DCC: variants seen among roughly 807,000 people sequenced by gnomAD.
DCC encodes DCC netrin 1 receptor, also known as netrin receptor DCC.
Under a neutral mutation model 172.5 loss-of-function variants are expected in DCC, and 58 were observed. The ratio of observed to expected loss-of-function variants is 0.34; its 90% CI spans 0.27 to 0.42. The LOEUF is 0.42. Ranked by LOEUF, DCC falls within the 10% of genes least tolerant of loss-of-function variation. The probability of loss-of-function intolerance (pLI) is 1.00; values close to 1 mark genes in which losing one functional copy is unlikely to be tolerated. For synonymous variants in DCC, 709 were observed against 644.5 expected (o/e 1.10, Z -1.52); for missense variants, 1,740 against 1,791.0 (o/e 0.97, Z 0.51).
chr18:53,116,146 T>C (rs2043405854), intron 7 of DCC, among the ~76,000 whole-genome samples: 1 of 151,572 alleles, frequency 6.6e-6, no homozygotes, highest in African/African-American at 2.4e-5. Context: ...TGGTGGAGAG[T>C]GTCCAGGTTC....
At chr18:53,070,243 A>G (rs910547002) in intron 7 of DCC, among the ~76,000 whole-genome samples, 1 of 151,996 alleles carries the variant, frequency 6.6e-6, no homozygotes, top group African/African-American at 2.4e-5. Flanking sequence ...CAGGTGATCC[A>G]CCTGTCTCGG....
chr18:52,876,145 A>G (rs959694591), intron 2 of DCC, among the ~76,000 whole-genome samples: 9 of 152,326 alleles, frequency 5.9e-5, no homozygotes, highest in African/African-American at 2.2e-4. Flanking sequence ...TAAGCCAACA[A>G]GGAAACAATA....
intron 5 of DCC, among the ~76,000 whole-genome samples, chr18:52,996,386 A>G (rs1048781006): frequency 6.6e-6 from 1 of 152,066 alleles, no homozygotes; most frequent in South Asian, 2.1e-4. Flanking sequence ...TAGGGGAATT[A>G]TGATTGCTTT....
At chr18:53,047,126 A>G (rs969814700) in intron 5 of DCC, among the ~76,000 whole-genome samples, 1 of 149,088 alleles carries the variant, frequency 6.7e-6, no homozygotes, top group East Asian at 2.0e-4. Flanking sequence ...GAAGGTAAAT[A>G]TGTTTATCAA....
At chr18:52,966,559 C>T (rs1431427088) in intron 5 of DCC, among the ~76,000 whole-genome samples, 6 of 152,184 alleles carry the variant, frequency 3.9e-5, no homozygotes, top group Non-Finnish European at 7.4e-5. Flanking sequence ...CAATCGGAGG[C>T]ACCAACAGGA....
chr18:52,634,902 G>A (rs1233071540), intron 1 of DCC, among the ~76,000 whole-genome samples: 2 of 151,890 alleles, frequency 1.3e-5, no homozygotes, highest in African/African-American at 2.4e-5. Flanking sequence ...TATCTATCTT[G>A]GCTGGAAACT....
intron 14 of DCC, among the ~76,000 whole-genome samples, chr18:53,329,957 G>C (rs922258393): frequency 6.6e-6 from 1 of 152,168 alleles, no homozygotes; most frequent in African/African-American, 2.4e-5. Context: ...TCAAGCTGCA[G>C]ATTAGTTACT....
At chr18:53,177,040 G>A (rs1262581684) in intron 8 of DCC, among the ~76,000 whole-genome samples, 1 of 152,062 alleles carries the variant, frequency 6.6e-6, no homozygotes, top group African/African-American at 2.4e-5. Context: ...GGACATGGAT[G>A]AAATTGGCAA....
At chr18:52,650,411 G>A (rs1003737425) in intron 1 of DCC, among the ~76,000 whole-genome samples, 3 of 152,234 alleles carry the variant, frequency 2.0e-5, no homozygotes, top group Admixed American at 6.5e-5. Context: ...ACATTATTTG[G>A]GTGATGGTTA....
At position 53,459,236 on chromosome 18, in the gene DCC, C is replaced by T. The variant is rs889494004; in HGVS notation, c.3397C>T (p.Arg1133Trp). The T allele has an allele frequency of 7.4e-6, 12 of 1,613,012 alleles. No individual in the cohort carries two copies. The highest frequency in any genetic ancestry group is 4.4e-5 in the South Asian group (4 of 91,066). Residue 1133 changes from arginine to tryptophan, a missense_variant, in exon 24 of 29, where the codon CGG becomes TGG. By Grantham distance (101) the Arg-to-Trp change is moderately radical. Around this residue, in one of 2 missense-constraint regions of DCC, gnomAD observed 1,732 missense variants for 1,767.4 expected, o/e 0.98. Coordinates refer to ENST00000442544, the MANE Select transcript of DCC (RefSeq NM_005215.4). ...RRSSAQQRKK[R>W]ATHSAGKRKG... Reference sequence around the variant, plus strand: ...CCTTCTAACTTTGTTCCATAGGAAACGGGCCACCCACAGTGCTGGCAAAAG... The same window carrying T: ...CCTTCTAACTTTGTTCCATAGGAAATGGGCCACCCACAGTGCTGGCAAAAG...
At chr18:52,792,137 C>G (rs1008055728) in intron 2 of DCC, among the ~76,000 whole-genome samples, 1 of 151,836 alleles carries the variant, frequency 6.6e-6, no homozygotes, top group African/African-American at 2.4e-5. Flanking sequence ...TGCTGTTGAC[C>G]TTGAAATGCC....
chr18:53,300,670 T>C (rs2057122604), intron 12 of DCC, among the ~76,000 whole-genome samples: 1 of 152,190 alleles, frequency 6.6e-6, no homozygotes, highest in Admixed American at 6.5e-5. Context: ...TAAACCTATA[T>C]TTCCCCTAGG....
chr18:52,415,808 T>G (rs377753138), intron 1 of DCC, among the ~76,000 whole-genome samples: 3 of 152,194 alleles, frequency 2.0e-5, no homozygotes, highest in African/African-American at 7.2e-5. Context: ...ATTTTGTTGA[T>G]CCTTTCAAAA....
chr18:53,050,937 A>AAAAAC (rs2042325708), intron 5 of DCC, among the ~76,000 whole-genome samples: 1 of 152,184 alleles, frequency 6.6e-6, no homozygotes, highest in Admixed American at 6.6e-5. Flanking sequence ...CCAAAAAAAC[A>AAAAAC]AAAACTTTCA....
intron 5 of DCC, among the ~76,000 whole-genome samples, chr18:52,986,607 C>CT (rs1180183036): frequency 6.6e-6 from 1 of 151,868 alleles, no homozygotes; most frequent in African/African-American, 2.4e-5. Flanking sequence ...TCAACCCAGT[C>CT]TTTTTTCAGA....
intron 21 of DCC, among the ~76,000 whole-genome samples, chr18:53,424,088 C>A (rs2145084045): frequency 6.6e-6 from 1 of 152,302 alleles, no homozygotes; most frequent in Middle Eastern, 3.4e-3. Context: ...AAAACAAGTT[C>A]TCTGTAATTC....
At chr18:52,678,049 C>T (rs2035677391) in intron 1 of DCC, among the ~76,000 whole-genome samples, 1 of 152,074 alleles carries the variant, frequency 6.6e-6, no homozygotes, top group African/African-American at 2.4e-5. Context: ...CAAAGATGGG[C>T]ATAAAAGGGT....
chr18:53,032,863 G>T (rs912334694), intron 5 of DCC, among the ~76,000 whole-genome samples: 1 of 152,118 alleles, frequency 6.6e-6, no homozygotes, highest in African/African-American at 2.4e-5. Context: ...AACACTTGAG[G>T]TGGAAATGGT....
intron 2 of DCC, among the ~76,000 whole-genome samples, chr18:52,833,978 T>TG (rs2038660558): frequency 7.0e-6 from 1 of 142,362 alleles, no homozygotes; most frequent in Non-Finnish European, 1.5e-5. Flanking sequence ...AATAAGCAGG[T>TG]CAGTCTGCCA....
Sources: allele counts gnomAD v4.1 joint callset (sites outside exome capture counted in the v4.1 genomes callset), GRCh38; gene constraint gnomAD v4.1.1; regional missense constraint gnomAD v4.1.1; transcripts MANE v1.5; gene names NCBI Gene and HGNC (gene_info 2026-07-23, HGNC 2026-07-21).